The following ZFYVE26 variants were observed in gnomAD, a reference collection of about 807,000 sequenced individuals.
ZFYVE26 encodes zinc finger FYVE-type containing 26.
A neutral mutation model predicts 276.5 loss-of-function variants in ZFYVE26; 181 were observed. That is an observed-to-expected ratio of 0.65 (90% CI 0.58 to 0.74). The LOEUF (loss-of-function observed/expected upper bound fraction) is 0.74, where lower values mean the gene tolerates loss of function less well. Ranked by LOEUF, ZFYVE26 falls within the 30% of genes least tolerant of loss-of-function variation. The probability of loss-of-function intolerance (pLI) is 0.00; values close to 1 mark genes in which losing one functional copy is unlikely to be tolerated. For missense variants in ZFYVE26, 2,821 were observed against 3,097.9 expected (o/e 0.91, Z 2.12); for synonymous variants, 1,129 against 1,203.1 (o/e 0.94, Z 1.27).
intron 32 of ZFYVE26, 104 bp from the exon 33 acceptor site, chr14:67,762,923 A>C: frequency 1.3e-6 from 2 of 1,502,636 alleles, no homozygotes. Flanking sequence ...TTTGTTTTGA[A>C]ACAGAGTCTC....
intron 8 of ZFYVE26, 53 bp from the exon 9 acceptor site, chr14:67,804,317 A>T: frequency 6.3e-7 from 1 of 1,592,500 alleles, no homozygotes; most frequent in Non-Finnish European, 8.6e-7. Context: ...TTATTGCTCG[A>T]AGAAAGATCA....
intron 14 of ZFYVE26, among the ~76,000 whole-genome samples, chr14:67,791,123 T>C (rs1019727511): frequency 2.0e-5 from 3 of 152,146 alleles, no homozygotes; most frequent in Non-Finnish European, 4.4e-5. Flanking sequence ...AGCACAAAAA[T>C]AAATCCTCAG....
At chr14:67,734,307 A>T (rs2038325495) in intron 13 of ZFYVE26, 1 of 172,722 alleles carries the variant, frequency 5.8e-6, no homozygotes, top group African/African-American at 2.4e-5. Context: ...AGACCAACAC[A>T]CAAAGATCCT....
At chr14:67,748,835 T>C (rs537679416) in intron 41 of ZFYVE26, among the ~76,000 whole-genome samples, 196 bp from the exon 42 acceptor site, 4 of 152,326 alleles carry the variant, frequency 2.6e-5, no homozygotes, top group East Asian at 3.9e-4. Context: ...TGTTATTTTA[T>C]AGTGTAAAAA....
intron 40 of ZFYVE26, chr14:67,751,553 C>T (rs1409561231): frequency 4.1e-6 from 1 of 241,944 alleles, no homozygotes; most frequent in Non-Finnish European, 8.2e-6. Context: ...GCTGACTCTT[C>T]TTTTTAAACT....
chr14:67,780,471 G>T lies in ZFYVE26; in HGVS notation c.4570-126C>A, dbSNP rs73278469. On this transcript the variant is annotated intron_variant, in intron 22 of 41. Transcript: ENST00000347230. ...CCCCAAAGTCAGGCTGTCAGAACTT[G>T]CCAGAAAAGAGAGCAAATTGGGCAA... 3,699 of 861,050 alleles carry T rather than the reference G, an allele frequency of 4.3e-3. 99 individuals carry two copies. In the African/African-American group the frequency reaches 0.053, roughly 12 times the overall value. 53.3% of individuals were successfully genotyped at this position (861,050 alleles called of 1,614,324 possible). A position where few individuals can be genotyped will look rare whatever the true frequency, so the allele number is the denominator to read the frequency against.
intron 2 of ZFYVE26, 44 bp from the exon 3 acceptor site, chr14:67,814,108 T>G: frequency 6.7e-7 from 1 of 1,484,098 alleles, no homozygotes; most frequent in Non-Finnish European, 9.4e-7. Context: ...GAGTTTCTAC[T>G]GATCTTTCAT....
intron 33 of ZFYVE26, 88 bp from the exon 34 acceptor site, chr14:67,762,500 C>A: frequency 2.6e-6 from 4 of 1,531,214 alleles, no homozygotes; most frequent in Non-Finnish European, 3.5e-6. Context: ...AAGTTGCCAA[C>A]CACCTCATTC....
chr14:67,762,013 T>A, intron 34 of ZFYVE26, 190 bp downstream of exon 34: 1 of 623,744 alleles, frequency 1.6e-6, no homozygotes, highest in Non-Finnish European at 2.8e-6. Flanking sequence ...AAAAATTACA[T>A]CTATTACTTA....
intron 41 of ZFYVE26, 30 bp from the exon 42 acceptor site, chr14:67,748,669 AG>A: frequency 6.2e-7 from 1 of 1,611,950 alleles, no homozygotes. Context: ...GACAGCGGAA[AG>A]GCATCCATCA....
chr14:67,748,692 A>G, intron 41 of ZFYVE26, 53 bp from the exon 42 acceptor site: 1 of 1,595,258 alleles, frequency 6.3e-7, no homozygotes, highest in Non-Finnish European at 8.6e-7. Flanking sequence ...CGACAAATCA[A>G]GTATACAGAG....
intron 13 of ZFYVE26, among the ~76,000 whole-genome samples, chr14:67,740,242 G>T (rs1160608695): frequency 6.6e-6 from 1 of 151,956 alleles, no homozygotes; most frequent in Non-Finnish European, 1.5e-5. Flanking sequence ...ATGTTCCAAT[G>T]ACAGCAGTTA....
intron 36 of ZFYVE26, 45 bp downstream of exon 36, chr14:67,755,903 G>T (rs1362666506): frequency 6.2e-7 from 1 of 1,602,208 alleles, no homozygotes. Flanking sequence ...CTGCAGGGTG[G>T]GGCACCAGCA....
Position 67,797,790 on chromosome 14 carries a change from G to A in ZFYVE26, c.2249-35C>T, listed in dbSNP as rs751435307. ...CAAACCCAATGGGACAGAAAGGAGA[G>A]TGATCAACTTTGATTTGGCCCTTTC... On this transcript the variant is annotated intron_variant, in intron 11 of 41. Coordinates refer to ENST00000347230, the MANE Select transcript of ZFYVE26 (RefSeq NM_015346.4). The A allele has an allele frequency of 3.5e-5, 57 of 1,611,630 alleles. No homozygotes were observed. In the Middle Eastern group the frequency reaches 4.9e-4, roughly 14 times the overall value.
At chr14:67,799,620 C>G in intron 10 of ZFYVE26, 1 of 1,454,464 alleles carries the variant, frequency 6.9e-7, no homozygotes, top group Non-Finnish European at 9.6e-7. Context: ...TAGAATTTTT[C>G]TCTTCAAAGG....
intron 26 of ZFYVE26, among the ~76,000 whole-genome samples, chr14:67,775,362 C>T (rs566067318): frequency 6.6e-6 from 1 of 152,054 alleles, no homozygotes; most frequent in African/African-American, 2.4e-5. Flanking sequence ...CAAAATAAAT[C>T]AAAAAATGCC....
intron 37 of ZFYVE26, 46 bp from the exon 38 acceptor site, chr14:67,754,258 G>A (rs2038721545): frequency 6.2e-7 from 1 of 1,613,122 alleles, no homozygotes; most frequent in Non-Finnish European, 8.5e-7. Flanking sequence ...AGGGGCCCCA[G>A]GTGACTGAGG....
rs116214385 is a variant in ZFYVE26, at chr14:67,753,683, T to G, written c.7188+24A>C. 9,336 of 1,611,360 alleles carry G rather than the reference T, an allele frequency of 5.8e-3. 93 individuals carry two copies. The highest frequency in any genetic ancestry group is 0.043 in the African/African-American group (3,229 of 74,980). Reference sequence around the variant, plus strand: ...GGTCAGGTGCTGATTGTCCTCAGTATGATTTGAATGATCCAAGTCATACCT... The same window carrying G: ...GGTCAGGTGCTGATTGTCCTCAGTAGGATTTGAATGATCCAAGTCATACCT... On this transcript the variant is annotated intron_variant, in intron 39 of 41. Transcript: ENST00000347230.
At chr14:67,769,454 TAG>T in intron 29 of ZFYVE26, 138 bp downstream of exon 29, 1 of 1,286,628 alleles carries the variant, frequency 7.8e-7, no homozygotes, top group Non-Finnish European at 1.1e-6. Context: ...CCCTTCAGTG[TAG>T]AGTTAATGGC....
Sources: gnomAD v4.1 joint callset for allele counts (sites outside exome capture counted in the v4.1 genomes callset) on GRCh38, gnomAD v4.1.1 for gene constraint, MANE v1.5 for transcripts, NCBI Gene and HGNC (gene_info 2026-07-23, HGNC 2026-07-21) for gene names.